The following TTC12 variants were observed in gnomAD, a reference collection of about 807,000 sequenced individuals.
The protein encoded by TTC12 is tetratricopeptide repeat protein 12.
Under a neutral mutation model 90.1 loss-of-function variants are expected in TTC12, and 70 were observed. That is an observed-to-expected ratio of 0.78 (90% CI 0.64 to 0.95). TTC12 has a LOEUF of 0.95. TTC12 is among the 40% of genes least tolerant of loss of function. TTC12 has a pLI of 0.00. For synonymous variants in TTC12, 296 were observed against 311.5 expected (o/e 0.95, Z 0.53); for missense variants, 819 against 846.1 (o/e 0.97, Z 0.40).
At chr11:113,366,497 C>T (rs1591228171), downstream of TTC12, 7 of 870,008 alleles carry the variant, frequency 8.0e-6, no homozygotes, top group East Asian at 1.4e-4. Context: ...CACTGGCTTA[C>T]TCGACTTCCA....
intron 20 of TTC12, chr11:113,364,551 A>G (rs539875221): frequency 1.7e-4 from 74 of 429,372 alleles, no homozygotes; most frequent in South Asian, 1.6e-3. Context: ...TAGGCTTTCA[A>G]GAAGACAGAC....
At position 113,359,857 on chromosome 11, in the gene TTC12, G is replaced by A. The variant is rs1949820411; in HGVS notation, c.1546-83G>A. On this transcript the variant is annotated intron_variant, in intron 17 of 21. Coordinates refer to ENST00000529221, the MANE Select transcript of TTC12 (RefSeq NM_017868.4). ...CATAGTGTGGTGGTGCTAAAAAGGAGACGGTGCTCAGAAGAAGCTCCGCTG... is the reference window on the plus strand; with the variant it reads ...CATAGTGTGGTGGTGCTAAAAAGGAAACGGTGCTCAGAAGAAGCTCCGCTG... The A allele has an allele frequency of 1.5e-5, 16 of 1,078,946 alleles. No individual in the cohort carries two copies. In the East Asian group the frequency reaches 3.9e-4, roughly 26 times the overall value. 66.8% of individuals were successfully genotyped at this position (1,078,946 alleles called of 1,614,324 possible).
At chr11:113,364,146 T>G (rs554682621) in intron 20 of TTC12, among the ~76,000 whole-genome samples, 52 of 152,368 alleles carry the variant, frequency 3.4e-4, no homozygotes, top group Admixed American at 2.9e-3. Flanking sequence ...GAGACCCAGC[T>G]GACAGATGGC....
rs1555139565 is a variant in TTC12, at chr11:113,323,467, GA to G, written c.222+17del. ...TGCTATGAAGGTTTCTTTTTCTATT[GA>G]GAAGTTATATAAGTACTTACAGTGA... On this transcript the variant is annotated intron_variant, in intron 3 of 21. Transcript: ENST00000529221. 5 of 1,550,418 alleles carry G rather than the reference GA, an allele frequency of 3.2e-6. No individual in the cohort carries two copies. Among genetic ancestry groups the G allele is most frequent in the Non-Finnish European group, 4.3e-6 (5 of 1,153,100 alleles).
chr11:113,327,141 T>C (rs1947743712), intron 6 of TTC12, among the ~76,000 whole-genome samples: 1 of 152,252 alleles, frequency 6.6e-6, no homozygotes, highest in Non-Finnish European at 1.5e-5. Context: ...AGACTGTCTA[T>C]ACTCTGATTC....
Position 113,363,889 on chromosome 11 carries a change from A to T in TTC12, c.1778A>T (p.Tyr593Phe), listed in dbSNP as rs749784399. The change falls in exon 20 of 22, where the codon TAT (tyrosine) becomes TTT (phenylalanine). Residue 593 changes from tyrosine (Y) to phenylalanine (F), a missense_variant. By Grantham distance (22) the Tyr-to-Phe change is conservative (BLOSUM62 3). Transcript: ENST00000529221. ...ATACTAGCTATCTGCACGAATAGTT[A>T]TCATGAAGCTCGGGAAGAAGTAATA... The part of the protein sequence containing the change: ...IKILAICTNS[Y>F]HEAREEVIRL... 6.2e-7 allele frequency: 1 copy of T among 1,613,874 alleles called. No homozygotes were observed. The highest frequency in any genetic ancestry group is 8.5e-7 in the Non-Finnish European group (1 of 1,179,712).
At chr11:113,364,079 A>C in intron 20 of TTC12, 152 bp downstream of exon 20, 1 of 601,950 alleles carries the variant, frequency 1.7e-6, no homozygotes, top group Non-Finnish European at 2.9e-6. Context: ...TTTCACATCC[A>C]GATCTGAAAG....
chr11:113,364,236 G>GA, intron 20 of TTC12: 1 of 301,180 alleles, frequency 3.3e-6, no homozygotes, highest in Non-Finnish European at 6.2e-6. Context: ...AGGAGAGGGG[G>GA]AAACACCGTC....
chr11:113,343,155 G>A (rs550508491), intron 12 of TTC12, among the ~76,000 whole-genome samples: 35 of 152,164 alleles, frequency 2.3e-4, no homozygotes, highest in Non-Finnish European at 4.3e-4. Context: ...GTCATCTATT[G>A]TGGAGTTGAG....
chr11:113,345,247 A>G (rs1315678874), intron 13 of TTC12, among the ~76,000 whole-genome samples: 1 of 152,226 alleles, frequency 6.6e-6, no homozygotes, highest in Non-Finnish European at 1.5e-5. Flanking sequence ...CACACAATCT[A>G]AAAACAGGAG....
At chr11:113,318,261 A>C (rs1947076985) in intron 2 of TTC12, among the ~76,000 whole-genome samples, 1 of 152,226 alleles carries the variant, frequency 6.6e-6, no homozygotes, top group African/African-American at 2.4e-5. Flanking sequence ...GTAGGGATCT[A>C]ACCCAGCTTT....
At position 113,340,958 on chromosome 11, in the gene TTC12, G is replaced by A. The variant is rs143875746; in HGVS notation, c.896+225G>A. On this transcript the variant is annotated intron_variant, in intron 11 of 21. Coordinates refer to ENST00000529221, the MANE Select transcript of TTC12 (RefSeq NM_017868.4). Reference sequence around the variant, plus strand: ...GCAGCTAACAATTGAGGCTGGGCGCGGTGGCTCATGCCAGTAATCCCAGCA... The same window carrying A: ...GCAGCTAACAATTGAGGCTGGGCGCAGTGGCTCATGCCAGTAATCCCAGCA... Among the ~76,000 whole-genome samples the A allele has an allele frequency of 4.1e-3, 619 of 152,302 alleles. 2 individuals carry two copies. The highest frequency in any genetic ancestry group is 0.014 in the African/African-American group (574 of 41,564).
intron 6 of TTC12, among the ~76,000 whole-genome samples, chr11:113,328,642 C>A (rs1947840409): frequency 6.6e-6 from 1 of 152,062 alleles, no homozygotes; most frequent in African/African-American, 2.4e-5. Context: ...AATTCACATA[C>A]CATACAGTTC....
chr11:113,352,620 C>T (rs1348785837), intron 16 of TTC12, among the ~76,000 whole-genome samples: 3 of 152,032 alleles, frequency 2.0e-5, no homozygotes, highest in African/African-American at 7.2e-5. Context: ...TCCCTTCTGG[C>T]AGGCCCCAGT....
intron 8 of TTC12, 105 bp downstream of exon 8, chr11:113,335,142 A>G (rs1461807338): frequency 1.2e-6 from 1 of 837,986 alleles, no homozygotes; most frequent in East Asian, 2.6e-5. Context: ...GTATTAATCC[A>G]TCCTTTAGTA....
intron 16 of TTC12, among the ~76,000 whole-genome samples, chr11:113,357,790 A>C (rs898068324): frequency 6.6e-6 from 1 of 152,216 alleles, no homozygotes; most frequent in Non-Finnish European, 1.5e-5. Context: ...CTCTAGGTTA[A>C]GAATACACTT....
chr11:113,358,115 T>C (rs1242543865), intron 16 of TTC12, among the ~76,000 whole-genome samples: 3 of 152,136 alleles, frequency 2.0e-5, no homozygotes, highest in African/African-American at 7.2e-5. Flanking sequence ...GAGAAGGATC[T>C]GCTATACTCT....
At chr11:113,341,033 C>A (rs944526455) in intron 11 of TTC12, among the ~76,000 whole-genome samples, 1 of 152,120 alleles carries the variant, frequency 6.6e-6, no homozygotes. Flanking sequence ...AGTTTGAGAC[C>A]AGCCTGGCCA....
At chr11:113,339,173 C>A (rs1555145095) in intron 9 of TTC12, 113 bp from the exon 10 acceptor site, 2 of 844,558 alleles carry the variant, frequency 2.4e-6, no homozygotes, top group Non-Finnish European at 3.6e-6. Context: ...TATTTTAATG[C>A]TTTATGCTTC....
Sources: gnomAD v4.1 joint callset for allele counts (sites outside exome capture counted in the v4.1 genomes callset) on GRCh38, gnomAD v4.1.1 for gene constraint, MANE v1.5 for transcripts, NCBI Gene and HGNC (gene_info 2026-07-23, HGNC 2026-07-21) for gene names.